Variants in SBSPON observed in about 807,000 individuals in gnomAD.
SBSPON encodes the protein somatomedin-B and thrombospondin type-1 domain-containing protein.
SBSPON carries 30 observed loss-of-function variants against 35.8 expected under a neutral mutation model. The ratio of observed to expected loss-of-function variants is 0.84; its 90% CI spans 0.63 to 1.14. The LOEUF is 1.14. Ranked by LOEUF, SBSPON falls within the 50% of genes most tolerant of loss-of-function variation. SBSPON has a pLI of 0.00. For synonymous variants in SBSPON, 136 were observed against 135.9 expected (o/e 1.00, Z 0.00); for missense variants, 364 against 357.7 (o/e 1.02, Z -0.14).
chr8:73,075,072 G>A (rs1810566771), intron 2 of SBSPON, among the ~76,000 whole-genome samples: 1 of 152,200 alleles, frequency 6.6e-6, no homozygotes, highest in Non-Finnish European at 1.5e-5. Context: ...TAGAGATGGG[G>A]TCTCACTCTG....
intron 3 of SBSPON, among the ~76,000 whole-genome samples, chr8:73,070,760 AT>A (rs1202987781): frequency 6.6e-6 from 1 of 152,208 alleles, no homozygotes; most frequent in Non-Finnish European, 1.5e-5. Context: ...GAAACAAGAC[AT>A]AGTAAAATCT....
At chr8:73,083,681 C>A (rs1330599416) in intron 1 of SBSPON, 5 of 152,200 alleles carry the variant, frequency 3.3e-5, no homozygotes, top group South Asian at 4.1e-4. Flanking sequence ...TCAAAATATT[C>A]TTTTTACAAT....
In SBSPON at chr8:73,065,337, A is replaced by G. The variant is rs1563483904; in HGVS notation, c.*2004T>C. On this transcript the variant is annotated 3_prime_UTR_variant, in exon 5 of 5. Coordinates refer to ENST00000297354, the MANE Select transcript of SBSPON (RefSeq NM_153225.4). The stretch of plus-strand genomic sequence containing the variant: ...ATTAGTAGTTGTTGTACCTATACCT[A>G]TCAGTTCTGAAGGATTTTTTTGTTT... 1.3e-5 allele frequency: 2 copies of G among 152,162 alleles called. No homozygotes were observed. The highest frequency in any genetic ancestry group is 2.9e-5 in the Non-Finnish European group (2 of 68,028). The allele number at this position is 152,162 out of a possible 1,614,324, so 9.4% of individuals were successfully genotyped here. A position where few individuals can be genotyped will look rare whatever the true frequency, so the allele number is the denominator to read the frequency against.
intron 2 of SBSPON, among the ~76,000 whole-genome samples, chr8:73,076,426 A>G (rs1156383108): frequency 6.6e-6 from 1 of 152,160 alleles, no homozygotes; most frequent in Non-Finnish European, 1.5e-5. Flanking sequence ...ATGTAATCAC[A>G]GGATCCTAAG....
At chr8:73,087,824 T>A (rs1810862168) in intron 1 of SBSPON, among the ~76,000 whole-genome samples, 1 of 152,222 alleles carries the variant, frequency 6.6e-6, no homozygotes, top group Non-Finnish European at 1.5e-5. Context: ...AATGATCTAA[T>A]GCAACTACTG....
intron 2 of SBSPON, among the ~76,000 whole-genome samples, chr8:73,074,255 T>C (rs1472312752): frequency 6.6e-6 from 1 of 152,166 alleles, no homozygotes; most frequent in Non-Finnish European, 1.5e-5. Flanking sequence ...GCAAGGTACT[T>C]AATGTATAGC....
At position 73,066,887 on chromosome 8, in the gene SBSPON, A is replaced by G. The variant is rs1810395175; in HGVS notation, c.*454T>C. 6.7e-6 allele frequency: 1 copy of G among 149,940 alleles called. No homozygotes were observed. The highest frequency in any genetic ancestry group is 2.4e-5 in the African/African-American group (1 of 41,376). 9.3% of individuals were successfully genotyped at this position (149,940 alleles called of 1,614,324 possible). ...AATTTATGGAATATTAAATATATGG[A>G]AATATATGTGTAGAGTGTGCATACC... On this transcript the variant is annotated 3_prime_UTR_variant, in exon 5 of 5. Transcript: ENST00000297354.
intron 2 of SBSPON, among the ~76,000 whole-genome samples, chr8:73,079,478 C>T (rs1018199719): frequency 1.6e-4 from 24 of 152,058 alleles, no homozygotes; most frequent in African/African-American, 5.3e-4. Context: ...TGATCAGCTC[C>T]CAAATCCCTC....
chr8:73,090,322 A>G (rs1810906604), intron 1 of SBSPON, among the ~76,000 whole-genome samples: 1 of 151,984 alleles, frequency 6.6e-6, no homozygotes, highest in African/African-American at 2.4e-5. Context: ...TACTTCTGGG[A>G]TTAAAAAAAA....
chr8:73,081,155 C>T lies in SBSPON; in HGVS notation c.273G>A (p.Lys91=). The change falls in exon 2 of 5, where the codon AAG becomes AAA. Residue 91 remains lysine, a synonymous_variant. Transcript: ENST00000297354. Reference sequence around the variant, plus strand: ...AGCGCCTCCGCACACGGGTTGTAGGCTTGCACTGGTCTGCACAACCACTCC... The same window carrying T: ...AGCGCCTCCGCACACGGGTTGTAGGTTTGCACTGGTCTGCACAACCACTCC... ...SPWSGCADQC[K]PTTRVRRRSV... 1 of 1,612,932 alleles carries T rather than the reference C, an allele frequency of 6.2e-7. No individual in the cohort carries two copies. The highest frequency in any genetic ancestry group is 8.5e-7 in the Non-Finnish European group (1 of 1,179,370).
At position 73,089,795 on chromosome 8, in the gene SBSPON, C is replaced by A. The variant is rs1586102123; in HGVS notation, c.214+3059G>T. ...TTGCTACCTAAATGTCTACCACATG[C>A]CAGGTGCAGTGCTCTGGGCTTGCCA... On this transcript the variant is annotated intron_variant, in intron 1 of 4. Transcript: ENST00000297354. 2.0e-5 allele frequency among the ~76,000 whole-genome samples: 3 copies of A among 152,326 alleles called. No homozygotes were observed. In the South Asian group the frequency reaches 6.2e-4, roughly 32 times the overall value.
chr8:73,074,278 G>A (rs1810550710), intron 2 of SBSPON, among the ~76,000 whole-genome samples: 1 of 152,154 alleles, frequency 6.6e-6, no homozygotes, highest in African/African-American at 2.4e-5. Context: ...AGAAAAAGAG[G>A]CTATGAAGTG....
intron 1 of SBSPON, 94 bp downstream of exon 1, chr8:73,092,760 G>T: frequency 2.1e-6 from 2 of 941,568 alleles, no homozygotes; most frequent in Admixed American, 2.1e-5. Flanking sequence ...AGGACACCTG[G>T]CTCAGGGACT....
At position 73,090,791 on chromosome 8, in the gene SBSPON, C is replaced by G. The variant is rs75405105; in HGVS notation, c.214+2063G>C. Among the ~76,000 whole-genome samples the G allele has an allele frequency of 3.1e-3, 479 of 152,318 alleles. 3 individuals are homozygous for G. The highest frequency in any genetic ancestry group is 6.8e-3 in the Middle Eastern group (2 of 294). On this transcript the variant is annotated intron_variant, in intron 1 of 4. Transcript: ENST00000297354. ...CCATCTCCTTTTCCCCCACTCACAGCTCTTCTCTGGGGCACACACTTACAG... is the reference window on the plus strand; with the variant it reads ...CCATCTCCTTTTCCCCCACTCACAGGTCTTCTCTGGGGCACACACTTACAG...
intron 1 of SBSPON, among the ~76,000 whole-genome samples, chr8:73,088,547 G>A (rs928392675): frequency 5.3e-5 from 8 of 152,268 alleles, no homozygotes; most frequent in South Asian, 2.1e-4. Context: ...GGCAGCACAC[G>A]TCTGCAGTCC....
chr8:73,070,149 T>G (rs1324250131), intron 3 of SBSPON, among the ~76,000 whole-genome samples, 168 bp from the exon 4 acceptor site: 1 of 152,212 alleles, frequency 6.6e-6, no homozygotes, highest in Non-Finnish European at 1.5e-5. Context: ...TCTCATTCCC[T>G]GAAGCATGGT....
At position 73,067,250 on chromosome 8, in the gene SBSPON, T is replaced by C. The variant is rs570772330; in HGVS notation, c.*91A>G. 2.8e-4 allele frequency: 221 copies of C among 794,628 alleles called. 1 individual carries two copies. In the African/African-American group the frequency reaches 3.4e-3, roughly 12 times the overall value. The allele number at this position is 794,628 out of a possible 1,614,324, so 49.2% of individuals were successfully genotyped here. The stretch of plus-strand genomic sequence containing the variant: ...GTGGCAATGATGTGTTTGGGGACTT[T>C]GGCCAAAATTGAAGGTTTAGGAAAC... On this transcript the variant is annotated 3_prime_UTR_variant, in exon 5 of 5. Coordinates refer to ENST00000297354, the MANE Select transcript of SBSPON (RefSeq NM_153225.4).
chr8:73,068,330 G>T (rs1810431343), intron 4 of SBSPON, among the ~76,000 whole-genome samples: 1 of 152,096 alleles, frequency 6.6e-6, no homozygotes, highest in African/African-American at 2.4e-5. Flanking sequence ...CTCAATGGAG[G>T]CCATGAGGCA....
At chr8:73,072,054 G>C (rs1286668757) in intron 2 of SBSPON, among the ~76,000 whole-genome samples, 184 bp from the exon 3 acceptor site, 2 of 152,198 alleles carry the variant, frequency 1.3e-5, no homozygotes, top group Non-Finnish European at 2.9e-5. Flanking sequence ...ACACAGATCG[G>C]TAGGGAGGGG....
Sources: gnomAD v4.1 joint callset for allele counts (sites outside exome capture counted in the v4.1 genomes callset) on GRCh38, gnomAD v4.1.1 for gene constraint, MANE v1.5 for transcripts, NCBI Gene and HGNC (gene_info 2026-07-23, HGNC 2026-07-21) for gene names.